FAT3: variants seen among roughly 807,000 people sequenced by gnomAD.
The protein encoded by FAT3 is FAT atypical cadherin 3.
A neutral mutation model predicts 310.2 loss-of-function variants in FAT3; 95 were observed. The observed-to-expected ratio is 0.31, with a 90% CI of 0.26 to 0.36. FAT3 has a LOEUF of 0.36. FAT3 is among the 10% of genes least tolerant of loss of function. The probability of loss-of-function intolerance (pLI) is 1.00; values close to 1 mark genes in which losing one functional copy is unlikely to be tolerated. For synonymous variants in FAT3, 2,314 were observed against 2,192.9 expected (o/e 1.06, Z -1.54); for missense variants, 5,408 against 5,715.6 (o/e 0.95, Z 1.74).
At chr11:92,505,844 C>T (rs188274683) in intron 2 of FAT3, among the ~76,000 whole-genome samples, 6 of 152,228 alleles carry the variant, frequency 3.9e-5, no homozygotes, top group Admixed American at 3.3e-4. Flanking sequence ...ATTTATTGTT[C>T]GTGTACTATG....
chr11:92,274,610 G>C (rs1164775164), intron 1 of FAT3, among the ~76,000 whole-genome samples: 1 of 151,998 alleles, frequency 6.6e-6, no homozygotes, highest in Non-Finnish European at 1.5e-5. Context: ...CATCTTGGCC[G>C]AGAGTGTACA....
chr11:92,277,870 T>TAA (rs144314777), intron 1 of FAT3, among the ~76,000 whole-genome samples: 4 of 145,942 alleles, frequency 2.7e-5, no homozygotes, highest in African/African-American at 5.2e-5. Context: ...TTTTTTTTTT[T>TAA]AAAAAAAAAA....
chr11:92,549,792 T>G (rs1954740014), intron 3 of FAT3, among the ~76,000 whole-genome samples: 1 of 152,194 alleles, frequency 6.6e-6, no homozygotes, highest in Non-Finnish European at 1.5e-5. Context: ...AAGGCCAGAT[T>G]CATTGACTCA....
Position 92,587,061 on chromosome 11 carries a change from A to G in FAT3, c.3607+62113A>G, listed in dbSNP as rs184877889. 5.6e-3 allele frequency among the ~76,000 whole-genome samples: 856 copies of G among 152,164 alleles called. 25 individuals carry two copies. The highest frequency in any genetic ancestry group is 0.049 in the Admixed American group (744 of 15,232). The stretch of plus-strand genomic sequence containing the variant: ...ATAGTAGCTATAGGAATCTTCTTAT[A>G]GCTGAATTTTCTTCTCGTCACTGAC... On this transcript the variant is annotated intron_variant, in intron 3 of 27. Transcript: ENST00000525166.
chr11:92,672,061 T>C lies in FAT3; in HGVS notation c.3608-25323T>C, dbSNP rs183030076. 5.3e-5 allele frequency among the ~76,000 whole-genome samples: 8 copies of C among 152,192 alleles called. No individual in the cohort carries two copies. In the East Asian group the frequency reaches 1.2e-3, roughly 22 times the overall value. ...TTGAACCTGGGAGGCGGAGGTTGCA[T>C]TGAGCCAAGATCATGCCACTGCACT... is the stretch of plus-strand genomic sequence containing the variant. On this transcript the variant is annotated intron_variant, in intron 3 of 27. Transcript: ENST00000525166.
Position 92,844,524 on chromosome 11 carries a change from C to A in FAT3, c.11157C>A (p.Ile3719=). The A allele has an allele frequency of 6.2e-7, 1 of 1,613,984 alleles. No individual in the cohort carries two copies. The highest frequency in any genetic ancestry group is 8.5e-7 in the Non-Finnish European group (1 of 1,179,878). Residue 3719 remains isoleucine (I), a synonymous_variant, in exon 19 of 28, where the codon ATC becomes ATA. Coordinates refer to ENST00000525166, the MANE Select transcript of FAT3 (RefSeq NM_001367949.2). ...SSEFYKPAYL[I]QKLSNARRHL... ...AGTTCTACAAGCCAGCCTACCTGAT[C>A]CAGAAGCTGTCCAATGCTAGAAGAC...
intron 4 of FAT3, among the ~76,000 whole-genome samples, chr11:92,721,880 T>C (rs1399741379): frequency 6.6e-6 from 1 of 152,050 alleles, no homozygotes; most frequent in African/African-American, 2.4e-5. Flanking sequence ...TCAGATCCCA[T>C]GAAACTTATT....
chr11:92,240,099 T>C (rs928966406), intron 1 of FAT3, among the ~76,000 whole-genome samples: 1 of 152,156 alleles, frequency 6.6e-6, no homozygotes, highest in African/African-American at 2.4e-5. Flanking sequence ...CCTGTCTTTA[T>C]GACAGAAATG....
chr11:92,805,057 G>A, intron 10 of FAT3, 96 bp from the exon 11 acceptor site: 1 of 1,229,992 alleles, frequency 8.1e-7, no homozygotes, highest in Non-Finnish European at 1.1e-6. Context: ...AGTTTAAGGA[G>A]TACCTGGATG....
chr11:92,442,098 TA>T (rs1410191573), intron 2 of FAT3, among the ~76,000 whole-genome samples: 1,274 of 51,622 alleles, frequency 0.025, 37 homozygotes, highest in African/African-American at 0.058. Context: ...TATATATATA[TA>T]TATATATATA....
chr11:92,299,381 G>A (rs1478520835), intron 1 of FAT3, among the ~76,000 whole-genome samples: 1 of 152,058 alleles, frequency 6.6e-6, no homozygotes, highest in Admixed American at 6.6e-5. Flanking sequence ...GATCTTAAAG[G>A]TAAGATGAAA....
intron 3 of FAT3, among the ~76,000 whole-genome samples, chr11:92,627,523 A>G (rs1487011397): frequency 1.3e-5 from 2 of 152,112 alleles, no homozygotes; most frequent in Non-Finnish European, 2.9e-5. Flanking sequence ...TGGATGGGGT[A>G]GAGAGAGGGG....
chr11:92,542,812 T>C (rs566746304), intron 3 of FAT3, among the ~76,000 whole-genome samples: 1 of 152,216 alleles, frequency 6.6e-6, no homozygotes, highest in South Asian at 2.1e-4. Context: ...GATCCAGCTA[T>C]CCTACTACTG....
Position 92,475,646 on chromosome 11 carries a change from A to G in FAT3, c.3293-48988A>G, listed in dbSNP as rs148234293. Reference sequence around the variant, plus strand: ...CTTGTTTACCAGAGGAAGACTGGAAAAAAAAGAAATGCAAAATAACAAAAA... The same window carrying G: ...CTTGTTTACCAGAGGAAGACTGGAAGAAAAAGAAATGCAAAATAACAAAAA... On this transcript the variant is annotated intron_variant, in intron 2 of 27. Transcript: ENST00000525166. Among the ~76,000 whole-genome samples, 1,517 of 152,304 alleles carry G rather than the reference A, an allele frequency of 1.0e-2. 30 individuals carry two copies. Among genetic ancestry groups the G allele is most frequent in the African/African-American group, 0.034 (1,422 of 41,568 alleles).
chr11:92,855,900 T>G (rs967483655), intron 19 of FAT3, among the ~76,000 whole-genome samples: 3 of 152,192 alleles, frequency 2.0e-5, no homozygotes, highest in African/African-American at 2.4e-5. Flanking sequence ...GATTACAGAT[T>G]TTTTAATGTT....
In FAT3 at chr11:92,836,695, C is replaced by T. The variant is rs375559990; in HGVS notation, c.10216C>T (p.Arg3406Trp). Reference sequence around the variant, plus strand: ...TGTGAAAGTTAAGAAGAAATTGGACCGGGAACGGGTAAGCTAGTTTAGGAC... The same window carrying T: ...TGTGAAAGTTAAGAAGAAATTGGACTGGGAACGGGTAAGCTAGTTTAGGAC... ...GLVKVKKKLD[R>W]ERVSGYSLLV... The change falls in exon 16 of 28, where the codon CGG becomes TGG. Residue 3406 changes from arginine (R) to tryptophan (W), a missense_variant. By Grantham distance (101) the Arg-to-Trp change is moderately radical. Transcript: ENST00000525166. The T allele has an allele frequency of 9.3e-6, 15 of 1,612,924 alleles. No individual in the cohort carries two copies. The highest frequency in any genetic ancestry group is 3.3e-5 in the South Asian group (3 of 90,910).
intron 8 of FAT3, among the ~76,000 whole-genome samples, chr11:92,790,812 A>G (rs1241853082): frequency 6.6e-6 from 1 of 152,174 alleles, no homozygotes. Context: ...GTGTTTAGCT[A>G]GTTCACATAA....
intron 3 of FAT3, among the ~76,000 whole-genome samples, chr11:92,582,777 C>T (rs1009021988): frequency 6.6e-6 from 1 of 152,000 alleles, no homozygotes; most frequent in Middle Eastern, 3.2e-3. Flanking sequence ...GCCTCTGGGT[C>T]ATCTTCAGAT....
At chr11:92,658,369 G>T (rs1043561723) in intron 3 of FAT3, among the ~76,000 whole-genome samples, 2 of 152,168 alleles carry the variant, frequency 1.3e-5, no homozygotes, top group Non-Finnish European at 2.9e-5. Context: ...TACACTGGCC[G>T]CATTTCATGT....
Sources: allele counts gnomAD v4.1 joint callset (sites outside exome capture counted in the v4.1 genomes callset), GRCh38; gene constraint gnomAD v4.1.1; transcripts MANE v1.5; gene names NCBI Gene and HGNC (gene_info 2026-07-23, HGNC 2026-07-21).